Variants in CNTN4 observed in about 807,000 individuals in gnomAD.
CNTN4 encodes the protein contactin-4.
In CNTN4, 77 loss-of-function variants were observed where a neutral mutation model predicts 122.5. The observed-to-expected ratio is 0.63, with a 90% CI of 0.52 to 0.76. The LOEUF (loss-of-function observed/expected upper bound fraction) is 0.76, where lower values mean the gene tolerates loss of function less well. Among genes scored for constraint, CNTN4 ranks in the 30% least tolerant of loss-of-function variants. CNTN4 has a pLI of 0.00. For missense variants in CNTN4, 1,256 were observed against 1,259.1 expected (o/e 1.00, Z 0.04); for synonymous variants, 512 against 447.0 (o/e 1.15, Z -1.83).
intron 3 of CNTN4, among the ~76,000 whole-genome samples, chr3:2,410,100 G>A (rs1469256339): frequency 6.6e-6 from 1 of 152,156 alleles, no homozygotes; most frequent in East Asian, 1.9e-4. Context: ...TTTATGAGGG[G>A]AAACAGAATT....
intron 13 of CNTN4, among the ~76,000 whole-genome samples, chr3:2,979,086 A>G (rs114512556): frequency 0.016 from 2,488 of 152,286 alleles, 70 homozygotes; most frequent in African/African-American, 0.055. Flanking sequence ...TGGCTTATCT[A>G]CGAGGTGTTC....
intron 2 of CNTN4, among the ~76,000 whole-genome samples, chr3:2,254,327 T>G (rs1347627206): frequency 6.6e-6 from 1 of 152,188 alleles, no homozygotes; most frequent in Non-Finnish European, 1.5e-5. Context: ...TCTTTGTTAT[T>G]GTGAACAGTG....
chr3:2,395,637 C>G (rs1430362606), intron 3 of CNTN4, among the ~76,000 whole-genome samples: 2 of 152,032 alleles, frequency 1.3e-5, no homozygotes, highest in African/African-American at 4.8e-5. Context: ...GTCCATTGTT[C>G]CCGTCTTTAT....
Position 2,709,951 on chromosome 3 carries a change from C to G in CNTN4, c.56-26264C>G, listed in dbSNP as rs2087021135. On this transcript the variant is annotated intron_variant, in intron 4 of 24. Transcript: ENST00000418658. This position sits in a 1 kb window ranked among gnomAD's most constrained non-coding sequence, Gnocchi z 5.0. ...AGAATAAACTCCAAAGAGCATGTTTCCACACTTAATGCTTATTGCTGAAAC... is the reference window on the plus strand; with the variant it reads ...AGAATAAACTCCAAAGAGCATGTTTGCACACTTAATGCTTATTGCTGAAAC... 6.6e-6 allele frequency among the ~76,000 whole-genome samples: 1 copy of G among 152,072 alleles called. No homozygotes were observed.
At chr3:2,864,390 G>A (rs1057363296) in intron 7 of CNTN4, among the ~76,000 whole-genome samples, 2 of 151,980 alleles carry the variant, frequency 1.3e-5, no homozygotes, top group African/African-American at 4.8e-5. Context: ...AATTCAGAGA[G>A]CCTTGCAGCC....
intron 3 of CNTN4, among the ~76,000 whole-genome samples, chr3:2,470,573 T>C (rs2075651349): frequency 6.6e-6 from 1 of 152,192 alleles, no homozygotes; most frequent in Non-Finnish European, 1.5e-5. Flanking sequence ...CCTGTCTTAA[T>C]ATTGTGACCT....
chr3:2,637,298 T>C (rs984336812), intron 4 of CNTN4, among the ~76,000 whole-genome samples: 3 of 152,130 alleles, frequency 2.0e-5, no homozygotes, highest in African/African-American at 4.8e-5. Context: ...AAGCTAATTG[T>C]AGAGGTACAA....
intron 4 of CNTN4, among the ~76,000 whole-genome samples, chr3:2,589,365 T>C (rs1352142085): frequency 1.3e-5 from 2 of 152,204 alleles, no homozygotes; most frequent in South Asian, 2.1e-4. Flanking sequence ...GCCTTTTTGT[T>C]CACTGATCTG....
intron 4 of CNTN4, among the ~76,000 whole-genome samples, chr3:2,724,355 C>A (rs904178077): frequency 6.6e-6 from 1 of 152,184 alleles, no homozygotes; most frequent in African/African-American, 2.4e-5. Context: ...ACATTGTGTT[C>A]TCATTCCCAA....
intron 3 of CNTN4, among the ~76,000 whole-genome samples, chr3:2,544,021 G>T (rs1474580430): frequency 6.6e-6 from 1 of 152,068 alleles, no homozygotes; most frequent in East Asian, 1.9e-4. Context: ...ACACACAAGA[G>T]AATCCTTATT....
At position 3,043,074 on chromosome 3, in the gene CNTN4, G is replaced by A. The variant is rs1700310437; in HGVS notation, c.2609G>A (p.Ser870Asn). The A allele has an allele frequency of 1.9e-6, 3 of 1,614,078 alleles. No homozygotes were observed. Among genetic ancestry groups the A allele is most frequent in the African/African-American group, 2.7e-5 (2 of 74,932 alleles). ...TSTKITNLKG[S>N]VLYHLAVKAY... ...ACAAAAATCACGAACTTAAAAGGCA[G>A]TGTGCTGTATCACTTAGCTGTCAAG... The change falls in exon 22 of 25, where the codon AGT (serine) becomes AAT (asparagine). Residue 870 changes from serine to asparagine, a missense_variant. Physicochemically the swap from Ser to Asn is conservative, Grantham distance 46. Coordinates refer to ENST00000418658, the MANE Select transcript of CNTN4 (RefSeq NM_175607.3).
intron 3 of CNTN4, chr3:2,362,537 A>T: frequency 1.7e-6 from 1 of 602,464 alleles, no homozygotes; most frequent in Non-Finnish European, 3.1e-6. Context: ...ATTCCTAAGA[A>T]GCCCATTCCT....
intron 15 of CNTN4, among the ~76,000 whole-genome samples, chr3:3,027,759 A>T (rs926807498): frequency 6.6e-6 from 1 of 152,208 alleles, no homozygotes; most frequent in Non-Finnish European, 1.5e-5. Context: ...TGCCCGACCA[A>T]TCGAAGTGGA....
At chr3:2,695,807 A>G (rs149105996) in intron 4 of CNTN4, among the ~76,000 whole-genome samples, 3,997 of 152,284 alleles carry the variant, frequency 0.026, 87 homozygotes, top group Admixed American at 0.065. Context: ...AAAGAATTTT[A>G]GAAGTGTCAC....
chr3:2,900,314 A>T (rs2151126745), intron 10 of CNTN4, among the ~76,000 whole-genome samples: 1 of 152,256 alleles, frequency 6.6e-6, no homozygotes, highest in South Asian at 2.1e-4. Context: ...TGGCAAATGT[A>T]GTGCCTACCT....
chr3:2,599,551 C>T (rs569212042), intron 4 of CNTN4, among the ~76,000 whole-genome samples: 7 of 152,146 alleles, frequency 4.6e-5, no homozygotes, highest in African/African-American at 9.7e-5. Context: ...TTATTGTACA[C>T]AGTCAGAAGA....
intron 4 of CNTN4, among the ~76,000 whole-genome samples, chr3:2,613,470 GA>G (rs2081583900): frequency 6.6e-6 from 1 of 152,034 alleles, no homozygotes; most frequent in Non-Finnish European, 1.5e-5. Context: ...ATTAAATATT[GA>G]TTAGGTAGGT....
At chr3:2,763,818 T>C (rs1350426052) in intron 6 of CNTN4, among the ~76,000 whole-genome samples, 3 of 152,184 alleles carry the variant, frequency 2.0e-5, no homozygotes, top group African/African-American at 7.2e-5. Context: ...TTCTGGGTTC[T>C]CTATTCTGTT....
At chr3:2,800,184 A>G (rs73109120) in intron 6 of CNTN4, among the ~76,000 whole-genome samples, 82 of 151,692 alleles carry the variant, frequency 5.4e-4, no homozygotes, top group Middle Eastern at 6.8e-3. Flanking sequence ...GAGAAATGAC[A>G]TCGGTATTTT....
Sources: gnomAD v4.1 joint callset for allele counts (sites outside exome capture counted in the v4.1 genomes callset) on GRCh38, gnomAD v4.1.1 for gene constraint, Gnocchi (gnomAD v3.1) non-coding constraint, MANE v1.5 for transcripts, NCBI Gene and HGNC (gene_info 2026-07-23, HGNC 2026-07-21) for gene names.